FAM81A: variants seen among roughly 807,000 people sequenced by gnomAD.
FAM81A encodes family with sequence similarity 81 member A.
In FAM81A, 19 loss-of-function variants were observed where a neutral mutation model predicts 46.7. That is an observed-to-expected ratio of 0.41 (90% confidence interval 0.28 to 0.60). The LOEUF is 0.60. Among genes scored for constraint, FAM81A ranks in the 20% least tolerant of loss-of-function variants. The pLI is 0.34. For synonymous variants in FAM81A, 183 were observed against 152.9 expected (o/e 1.20, Z -1.45); for missense variants, 377 against 453.5 (o/e 0.83, Z 1.53).
intron 8 of FAM81A, among the ~76,000 whole-genome samples, chr15:59,519,846 A>T (rs1324277023): frequency 6.6e-6 from 1 of 152,104 alleles, no homozygotes; most frequent in Admixed American, 6.6e-5. Context: ...TATCTTGGCT[A>T]TTGTAAATAA....
At chr15:59,433,810 G>C (rs1459381981), upstream of FAM81A, among the ~76,000 whole-genome samples, 4 of 152,140 alleles carry the variant, frequency 2.6e-5, no homozygotes, top group African/African-American at 7.2e-5. Flanking sequence ...CCCCACCTTT[G>C]TTCAATGTAA....
chr15:59,398,019 CA>C (rs1161886641), intron 1 of FAM81A, among the ~76,000 whole-genome samples: 2 of 152,052 alleles, frequency 1.3e-5, no homozygotes, highest in Non-Finnish European at 2.9e-5. Context: ...ATCCAAGAGA[CA>C]GAACTTGCAC....
At chr15:59,456,471 T>A (rs1464538341) in intron 1 of FAM81A, among the ~76,000 whole-genome samples, 8 of 152,186 alleles carry the variant, frequency 5.3e-5, no homozygotes, top group African/African-American at 1.9e-4. Flanking sequence ...CTACTCATTC[T>A]CATCAGTTCT....
At chr15:59,459,884 T>C in intron 2 of FAM81A, 49 bp from the exon 3 acceptor site, 2 of 1,506,286 alleles carry the variant, frequency 1.3e-6, no homozygotes, top group Non-Finnish European at 1.8e-6. Context: ...AATCTGGCTT[T>C]AAACATTATT....
chr15:59,483,807 C>T (rs1341223117), intron 3 of FAM81A, among the ~76,000 whole-genome samples: 4 of 152,164 alleles, frequency 2.6e-5, no homozygotes, highest in African/African-American at 9.7e-5. Flanking sequence ...GGGGAGCCAG[C>T]AGGATCCCAT....
intron 3 of FAM81A, among the ~76,000 whole-genome samples, chr15:59,470,697 C>T (rs1333570376): frequency 6.6e-6 from 1 of 152,180 alleles, no homozygotes; most frequent in African/African-American, 2.4e-5. Context: ...CTTCTGAAGC[C>T]TACTTCTGTC....
At chr15:59,490,874 C>T (rs987804158) in intron 3 of FAM81A, among the ~76,000 whole-genome samples, 11 of 152,196 alleles carry the variant, frequency 7.2e-5, no homozygotes, top group Admixed American at 2.6e-4. Context: ...TATCATCTCA[C>T]CCCAGTTAAA....
At chr15:59,442,005 C>G (rs2081303194) in intron 1 of FAM81A, among the ~76,000 whole-genome samples, 1 of 152,362 alleles carries the variant, frequency 6.6e-6, no homozygotes, top group East Asian at 1.9e-4. Flanking sequence ...ACTCTGATTA[C>G]TCCCGTTATG....
chr15:59,429,774 C>T (rs1409121271), intron 2 of FAM81A, among the ~76,000 whole-genome samples: 5 of 152,156 alleles, frequency 3.3e-5, no homozygotes, highest in African/African-American at 1.2e-4. Flanking sequence ...GAATCAGTAT[C>T]AATTAGACCT....
intron 1 of FAM81A, among the ~76,000 whole-genome samples, chr15:59,454,560 A>G (rs138325376): frequency 1.3e-5 from 2 of 152,186 alleles, no homozygotes; most frequent in Admixed American, 6.5e-5. Context: ...ATAGCATTTC[A>G]CTTTACTCTT....
At chr15:59,511,601 A>G (rs1230967610) in intron 6 of FAM81A, among the ~76,000 whole-genome samples, 1 of 152,128 alleles carries the variant, frequency 6.6e-6, no homozygotes, top group Non-Finnish European at 1.5e-5. Context: ...AATTCTCCCA[A>G]ATGTGAACCA....
chr15:59,444,301 G>A (rs1278482765), intron 1 of FAM81A: 5 of 152,240 alleles, frequency 3.3e-5, no homozygotes, highest in African/African-American at 9.6e-5. Flanking sequence ...TGCCTTACCC[G>A]AAGAGTCAGG....
At chr15:59,415,169 A>T (rs1331683784) in intron 2 of FAM81A, among the ~76,000 whole-genome samples, 1 of 147,074 alleles carries the variant, frequency 6.8e-6, no homozygotes, top group East Asian at 2.0e-4. Context: ...CCCAGGCTGG[A>T]GTGCAGTGGC....
At chr15:59,415,243 C>G (rs1042006835) in intron 2 of FAM81A, among the ~76,000 whole-genome samples, 1 of 152,124 alleles carries the variant, frequency 6.6e-6, no homozygotes, top group Non-Finnish European at 1.5e-5. Flanking sequence ...CTCAGCCTCC[C>G]GAGTAGCTGG....
intron 3 of FAM81A, among the ~76,000 whole-genome samples, chr15:59,463,761 GTGTC>G (rs2081580538): frequency 2.0e-5 from 3 of 151,810 alleles, no homozygotes; most frequent in Non-Finnish European, 4.4e-5. Context: ...CTTAATTACT[GTGTC>G]TGATTGTTCA....
At chr15:59,506,002 G>A (rs2082144978) in intron 4 of FAM81A, among the ~76,000 whole-genome samples, 1 of 151,584 alleles carries the variant, frequency 6.6e-6, no homozygotes, top group South Asian at 2.1e-4. Context: ...CAATCTTTAG[G>A]GCTACTCCTA....
chr15:59,408,728 C>G (rs1172319935), intron 2 of FAM81A, among the ~76,000 whole-genome samples: 2 of 152,196 alleles, frequency 1.3e-5, no homozygotes, highest in Non-Finnish European at 2.9e-5. Flanking sequence ...ACTCCGGAGG[C>G]TGAGGCAGGA....
intron 2 of FAM81A, among the ~76,000 whole-genome samples, chr15:59,426,624 A>G (rs993646283): frequency 3.3e-5 from 5 of 152,218 alleles, no homozygotes. Context: ...AAAACACCCA[A>G]ACAAACAAAC....
At chr15:59,487,795 ATGGCT>A (rs2081936447) in intron 3 of FAM81A, among the ~76,000 whole-genome samples, 1 of 152,184 alleles carries the variant, frequency 6.6e-6, no homozygotes, top group Non-Finnish European at 1.5e-5. Context: ...CCTGGACCCA[ATGGCT>A]TCTCTGCTAA....
Sources: gnomAD v4.1 joint callset for allele counts (sites outside exome capture counted in the v4.1 genomes callset) on GRCh38, gnomAD v4.1.1 for gene constraint, MANE v1.5 for transcripts, NCBI Gene and HGNC (gene_info 2026-07-23, HGNC 2026-07-21) for gene names.